The following TLL2 variants were observed in gnomAD, a reference collection of about 807,000 sequenced individuals.
TLL2 encodes the protein tolloid like 2, also known as tolloid-like protein 2.
A neutral mutation model predicts 123.0 loss-of-function variants in TLL2; 106 were observed. The observed-to-expected ratio is 0.86, with a 90% CI of 0.74 to 1.01. The LOEUF (loss-of-function observed/expected upper bound fraction) is 1.01. Among genes scored for constraint, TLL2 ranks in the 50% least tolerant of loss-of-function variants. The probability of loss-of-function intolerance (pLI) is 0.00; values close to 1 mark genes in which losing one functional copy is unlikely to be tolerated. For missense variants in TLL2, 1,332 were observed against 1,336.7 expected (o/e 1.00, Z 0.06); for synonymous variants, 494 against 516.8 (o/e 0.96, Z 0.60).
intron 2 of TLL2, among the ~76,000 whole-genome samples, chr10:96,465,657 G>A (rs950065005): frequency 3.3e-5 from 5 of 152,226 alleles, no homozygotes; most frequent in African/African-American, 1.2e-4. Flanking sequence ...CAGGGGACCT[G>A]AATTAGGACC....
chr10:96,433,623 T>G (rs537554960), intron 3 of TLL2, among the ~76,000 whole-genome samples: 197 of 152,280 alleles, frequency 1.3e-3, no homozygotes, highest in Middle Eastern at 3.4e-3. Context: ...TGAATCCGCA[T>G]GCATTTCATT....
intron 3 of TLL2, among the ~76,000 whole-genome samples, chr10:96,439,566 G>A (rs1476052623): frequency 2.0e-5 from 3 of 152,128 alleles, no homozygotes; most frequent in Non-Finnish European, 2.9e-5. Context: ...TGTGAGTTAT[G>A]TTCCTTATTC....
At chr10:96,383,250 G>T (rs1846201785) in intron 16 of TLL2, among the ~76,000 whole-genome samples, 1 of 152,158 alleles carries the variant, frequency 6.6e-6, no homozygotes, top group Non-Finnish European at 1.5e-5. Context: ...TGAGAAGTAG[G>T]GTCCAATGTG....
At chr10:96,410,704 G>A in intron 8 of TLL2, 1 of 619,796 alleles carries the variant, frequency 1.6e-6, no homozygotes, top group South Asian at 1.5e-5. Flanking sequence ...TCTCAGGACT[G>A]AGCATGGCCT....
chr10:96,510,374 G>T (rs1382644785), intron 1 of TLL2, among the ~76,000 whole-genome samples: 1 of 152,016 alleles, frequency 6.6e-6, no homozygotes, highest in African/African-American at 2.4e-5. Flanking sequence ...AGGCCAGGAG[G>T]GCTTCACAGA....
intron 2 of TLL2, among the ~76,000 whole-genome samples, chr10:96,475,756 C>T (rs1199371576): frequency 2.0e-5 from 3 of 152,184 alleles, no homozygotes; most frequent in African/African-American, 7.2e-5. Context: ...AACAGGATGG[C>T]TCTGTGTCCC....
chr10:96,412,160 C>T (rs1027585537), intron 8 of TLL2, among the ~76,000 whole-genome samples: 22 of 152,130 alleles, frequency 1.4e-4, no homozygotes, highest in Non-Finnish European at 1.5e-5. Flanking sequence ...CCCTAACACG[C>T]CCCCAGATGA....
intron 7 of TLL2, among the ~76,000 whole-genome samples, chr10:96,418,849 A>G (rs1846592456): frequency 6.7e-6 from 1 of 148,868 alleles, no homozygotes; most frequent in Non-Finnish European, 1.5e-5. Context: ...TAATATGAAT[A>G]TATAAATTAA....
At chr10:96,426,409 T>C (rs1469334715) in intron 5 of TLL2, among the ~76,000 whole-genome samples, 1 of 152,198 alleles carries the variant, frequency 6.6e-6, no homozygotes, top group Non-Finnish European at 1.5e-5. Context: ...AAGGTAGCAA[T>C]GCCATAACAG....
chr10:96,480,405 A>T lies in TLL2; in HGVS notation c.230T>A (p.Ile77Asn). Residue 77 changes from isoleucine to asparagine, a missense_variant, in exon 2 of 21, where the codon ATT (isoleucine) becomes AAT (asparagine). By Grantham distance (149) the Ile-to-Asn change is moderately radical. Coordinates refer to ENST00000357947, the MANE Select transcript of TLL2 (RefSeq NM_012465.4). ...CTTGGTCCAGTCTCTGGCTTTGTCA[A>T]TGTGAAACAGCTTCAAGTCATCTTC... ...LDEDDLKLFH[I>N]DKARDWTKQT... 6.2e-7 allele frequency: 1 copy of T among 1,614,178 alleles called. No homozygotes were observed. Among genetic ancestry groups the T allele is most frequent in the South Asian group, 1.1e-5 (1 of 91,086 alleles).
chr10:96,416,307 C>T (rs74151308), intron 7 of TLL2, among the ~76,000 whole-genome samples: 1,755 of 152,298 alleles, frequency 0.012, 34 homozygotes, highest in African/African-American at 0.04. Flanking sequence ...ACTTTGCCAG[C>T]GGGCCTGGGG....
intron 20 of TLL2, 24 bp downstream of exon 20, chr10:96,370,035 TGCCCCG>T: frequency 6.5e-7 from 1 of 1,528,618 alleles, no homozygotes; most frequent in Non-Finnish European, 8.8e-7. Flanking sequence ...CATCACACTC[TGCCCCG>T]GCCCCAGCGT....
chr10:96,460,704 C>T (rs1274580587), intron 2 of TLL2, among the ~76,000 whole-genome samples: 3 of 152,326 alleles, frequency 2.0e-5, no homozygotes, highest in South Asian at 4.1e-4. Context: ...TCCCCAGCCA[C>T]ACTTCCTGTA....
intron 10 of TLL2, among the ~76,000 whole-genome samples, chr10:96,398,209 C>A (rs1011220208): frequency 2.0e-5 from 3 of 152,086 alleles, no homozygotes; most frequent in African/African-American, 7.2e-5. Context: ...ATTAGGGGAG[C>A]CATAGAATGT....
At chr10:96,426,894 T>C (rs570860231) in intron 5 of TLL2, among the ~76,000 whole-genome samples, 1 of 152,296 alleles carries the variant, frequency 6.6e-6, no homozygotes, top group East Asian at 1.9e-4. Flanking sequence ...TAGGTTTATT[T>C]TGTTGTGGTG....
chr10:96,445,523 C>G (rs1846890364), intron 3 of TLL2, among the ~76,000 whole-genome samples: 1 of 152,208 alleles, frequency 6.6e-6, no homozygotes, highest in Non-Finnish European at 1.5e-5. Flanking sequence ...CATGGAGTCT[C>G]TAGTCTACAC....
chr10:96,426,914 G>A (rs766463616), intron 5 of TLL2, among the ~76,000 whole-genome samples: 14 of 152,032 alleles, frequency 9.2e-5, no homozygotes, highest in Non-Finnish European at 1.2e-4. Flanking sequence ...GATGGTGGTG[G>A]GTTGTAAGTA....
intron 17 of TLL2, 119 bp from the exon 18 acceptor site, chr10:96,376,938 A>C: frequency 2.0e-6 from 2 of 990,964 alleles, no homozygotes; most frequent in South Asian, 2.2e-5. Flanking sequence ...TTTATCAAAT[A>C]TGGGGGTGGG....
intron 2 of TLL2, among the ~76,000 whole-genome samples, chr10:96,477,776 G>A (rs930253126): frequency 2.0e-5 from 3 of 152,298 alleles, no homozygotes; most frequent in East Asian, 1.9e-4. Context: ...CTGTGACCAC[G>A]GTCAGCACTC....
Sources: allele counts gnomAD v4.1 joint callset (sites outside exome capture counted in the v4.1 genomes callset), GRCh38; gene constraint gnomAD v4.1.1; transcripts MANE v1.5; gene names NCBI Gene and HGNC (gene_info 2026-07-23, HGNC 2026-07-21).